MGST1: variants seen among roughly 807,000 people sequenced by gnomAD.
MGST1 encodes the protein glutathione S-transferase 12.
Under a neutral mutation model 8.9 loss-of-function variants are expected in MGST1, and 5 were observed. The ratio of observed to expected loss-of-function variants is 0.56; its 90% CI spans 0.29 to 1.19. MGST1 has a LOEUF of 1.19. Among genes scored for constraint, MGST1 ranks in the 50% most tolerant of loss-of-function variants. The pLI, the probability that MGST1 is intolerant of heterozygous loss-of-function variation, is 0.08. For synonymous variants in MGST1, 54 were observed against 67.8 expected (o/e 0.80, Z 1.00); for missense variants, 182 against 187.4 (o/e 0.97, Z 0.17).
chr12:16,552,359 A>C (rs1942021653), intron 4 of MGST1, among the ~76,000 whole-genome samples: 1 of 152,042 alleles, frequency 6.6e-6, no homozygotes, highest in East Asian at 1.9e-4. Flanking sequence ...TTTATCAGAT[A>C]GTCAATTTCA....
intron 4 of MGST1, among the ~76,000 whole-genome samples, chr12:16,511,206 A>T (rs572567563): frequency 1.4e-4 from 21 of 152,360 alleles, no homozygotes; most frequent in African/African-American, 3.8e-4. Context: ...ACACTTTTTT[A>T]TTCCTCCTGA....
chr12:16,401,379 T>C lies in MGST1; in HGVS notation n.778+17775T>C. 8.8e-7 allele frequency: 1 copy of C among 1,139,316 alleles called. No homozygotes were observed. Among genetic ancestry groups the C allele is most frequent in the Non-Finnish European group, 1.3e-6 (1 of 752,310 alleles). The allele number at this position is 1,139,316 out of a possible 1,614,324, so 70.6% of individuals were successfully genotyped here. A position where few individuals can be genotyped will look rare whatever the true frequency, so the allele number is the denominator to read the frequency against. ...GGAATTCAATTCCCACCCCAAATCC[T>C]AGGTTTCTGGTAATTTTGTTCAGGA... On this transcript the variant is annotated intron_variant and non_coding_transcript_variant, in intron 1 of 1. Coordinates refer to the MGST1 transcript ENST00000359720. This position sits in a 1 kb window ranked among gnomAD's most constrained non-coding sequence, Gnocchi z 4.3.
chr12:16,395,796 T>C (rs2417569), intron 1 of MGST1, among the ~76,000 whole-genome samples: 52,262 of 133,666 alleles, frequency 0.39, 10,678 homozygotes, highest in East Asian at 0.57. Flanking sequence ...TATATATATA[T>C]ATATATATAC....
intron 4 of MGST1, among the ~76,000 whole-genome samples, chr12:16,502,475 C>G (rs1941510818): frequency 6.6e-6 from 1 of 152,094 alleles, no homozygotes; most frequent in Non-Finnish European, 1.5e-5. Flanking sequence ...GAGGCAGTAT[C>G]TTTCAATTTT....
chr12:16,387,685 C>G (rs1372999557), intron 1 of MGST1, among the ~76,000 whole-genome samples: 1 of 152,154 alleles, frequency 6.6e-6, no homozygotes, highest in East Asian at 1.9e-4. Context: ...CACCACCACG[C>G]CTGGCTAATT....
intron 3 of MGST1, among the ~76,000 whole-genome samples, chr12:16,374,834 C>T (rs1460843349): frequency 6.6e-6 from 1 of 152,094 alleles, no homozygotes; most frequent in African/African-American, 2.4e-5. Flanking sequence ...TATATATATA[C>T]TCTTGTATGT....
intron 1 of MGST1, among the ~76,000 whole-genome samples, chr12:16,348,241 T>C (rs1939288352): frequency 6.6e-6 from 1 of 152,204 alleles, no homozygotes; most frequent in African/African-American, 2.4e-5. Context: ...ATACTACTGC[T>C]AATAATGCTA....
At chr12:16,417,072 A>G (rs1371446154) in intron 1 of MGST1, among the ~76,000 whole-genome samples, 2 of 152,152 alleles carry the variant, frequency 1.3e-5, no homozygotes, top group African/African-American at 4.8e-5. Flanking sequence ...ACTTTGTTCT[A>G]GGTTCTCTAC....
intron 1 of MGST1, among the ~76,000 whole-genome samples, chr12:16,426,205 C>T (rs1166468710): frequency 6.6e-6 from 1 of 152,166 alleles, no homozygotes; most frequent in Non-Finnish European, 1.5e-5. Context: ...ATCTCTTACT[C>T]CTCACTATAG....
At chr12:16,550,719 A>G (rs896847791) in intron 4 of MGST1, 2 of 153,280 alleles carry the variant, frequency 1.3e-5, no homozygotes, top group African/African-American at 4.8e-5. Flanking sequence ...TGCTTTATCT[A>G]TCTGTGTATC....
At chr12:16,398,030 C>T (rs971234246) in intron 1 of MGST1, among the ~76,000 whole-genome samples, 3 of 151,578 alleles carry the variant, frequency 2.0e-5, no homozygotes, top group Admixed American at 2.0e-4. Flanking sequence ...TGTGCACTGA[C>T]ATCTTTCACA....
intron 4 of MGST1, among the ~76,000 whole-genome samples, chr12:16,575,778 ATG>A (rs908992692): frequency 1.3e-5 from 2 of 151,400 alleles, no homozygotes; most frequent in African/African-American, 4.9e-5. Flanking sequence ...ATCACTTTTC[ATG>A]TCCTGACCTG....
At chr12:16,579,187 C>T (rs1943086190) in intron 4 of MGST1, among the ~76,000 whole-genome samples, 1 of 151,894 alleles carries the variant, frequency 6.6e-6, no homozygotes, top group African/African-American at 2.4e-5. Context: ...ATATATATTC[C>T]CTTAGATACA....
At chr12:16,438,998 G>T (rs1227278748), downstream of MGST1, among the ~76,000 whole-genome samples, 1 of 151,754 alleles carries the variant, frequency 6.6e-6, no homozygotes, top group Non-Finnish European at 1.5e-5. Context: ...GAACATGAAA[G>T]CCTGTCAAAT....
chr12:16,525,275 C>G (rs1182453123), intron 4 of MGST1, among the ~76,000 whole-genome samples: 1 of 146,316 alleles, frequency 6.8e-6, no homozygotes, highest in Non-Finnish European at 1.5e-5. Context: ...AGGTATATCT[C>G]CCAATGCTAT....
intron 4 of MGST1, among the ~76,000 whole-genome samples, chr12:16,516,070 A>G (rs1389864679): frequency 6.6e-6 from 1 of 152,208 alleles, no homozygotes; most frequent in Admixed American, 6.5e-5. Context: ...TTATTTACTC[A>G]TTTTTTTAAT....
intron 1 of MGST1, among the ~76,000 whole-genome samples, chr12:16,426,143 G>A (rs1940884888): frequency 6.6e-6 from 1 of 152,070 alleles, no homozygotes; most frequent in African/African-American, 2.4e-5. Flanking sequence ...ATGTCTCATT[G>A]CTACTATAAT....
intron 4 of MGST1, among the ~76,000 whole-genome samples, chr12:16,520,710 T>C (rs1308997312): frequency 6.6e-6 from 1 of 152,146 alleles, no homozygotes; most frequent in Non-Finnish European, 1.5e-5. Context: ...CTCCAGCAAA[T>C]CTTAAAATAA....
chr12:16,536,105 G>C (rs1941755784), intron 4 of MGST1, among the ~76,000 whole-genome samples: 1 of 151,772 alleles, frequency 6.6e-6, no homozygotes, highest in Non-Finnish European at 1.5e-5. Context: ...GTGTGTGTGT[G>C]TGTGTGTGTG....
Sources: gnomAD v4.1 joint callset for allele counts (sites outside exome capture counted in the v4.1 genomes callset) on GRCh38, gnomAD v4.1.1 for gene constraint, Gnocchi (gnomAD v3.1) non-coding constraint, MANE v1.5 for transcripts, NCBI Gene and HGNC (gene_info 2026-07-23, HGNC 2026-07-21) for gene names.